Variants in EGFLAM observed in about 807,000 individuals in gnomAD.
EGFLAM encodes the protein EGF like, fibronectin type III and laminin G domains.
EGFLAM carries 79 observed loss-of-function variants against 113.1 expected under a neutral mutation model. The ratio of observed to expected loss-of-function variants is 0.70; its 90% CI spans 0.58 to 0.84. The LOEUF is 0.84. Ranked by LOEUF, EGFLAM falls within the 40% of genes least tolerant of loss-of-function variation. The pLI, the probability that EGFLAM is intolerant of heterozygous loss-of-function variation, is 0.00. For missense variants in EGFLAM, 1,265 were observed against 1,291.6 expected, an observed-to-expected ratio of 0.98 and a Z score of 0.32; for synonymous variants, 504 against 487.6, an observed-to-expected ratio of 1.03 and a Z score of -0.44.
chr5:38,305,720 C>G (rs1579750439), intron 1 of EGFLAM: 5 of 178,308 alleles, frequency 2.8e-5, no homozygotes, highest in African/African-American at 9.5e-5. Context: ...GGCAAAAGTA[C>G]AAATTTTATA....
intron 19 of EGFLAM, among the ~76,000 whole-genome samples, chr5:38,456,274 A>T (rs2112279394): frequency 6.6e-6 from 1 of 152,286 alleles, no homozygotes; most frequent in East Asian, 1.9e-4. Flanking sequence ...CAAGTTGCCC[A>T]AGGTCACAGA....
At chr5:38,329,133 G>T (rs1012260059) in intron 1 of EGFLAM, among the ~76,000 whole-genome samples, 1 of 151,682 alleles carries the variant, frequency 6.6e-6, no homozygotes, top group African/African-American at 2.4e-5. Context: ...ATAATAAGGA[G>T]AAGTAGTTAG....
intron 18 of EGFLAM, 47 bp from the exon 19 acceptor site, chr5:38,451,268 A>G: frequency 6.3e-7 from 1 of 1,594,458 alleles, no homozygotes; most frequent in Non-Finnish European, 8.6e-7. Context: ...ACTCGGAAAC[A>G]GATGTTGGTG....
At chr5:38,305,970 A>G (rs1758707951) in intron 1 of EGFLAM, among the ~76,000 whole-genome samples, 2 of 152,192 alleles carry the variant, frequency 1.3e-5, no homozygotes, top group Non-Finnish European at 2.9e-5. Flanking sequence ...GGCTCCCTAA[A>G]TTCAGTGGGG....
At chr5:38,443,036 C>A (rs376491909) in intron 17 of EGFLAM, among the ~76,000 whole-genome samples, 45 of 152,306 alleles carry the variant, frequency 3.0e-4, no homozygotes, top group African/African-American at 1.1e-3. Context: ...GAGGCTGAGG[C>A]GGGCGGATGA....
chr5:38,303,167 C>A (rs149316130), intron 1 of EGFLAM, among the ~76,000 whole-genome samples: 158 of 152,324 alleles, frequency 1.0e-3, no homozygotes, highest in African/African-American at 3.2e-3. Context: ...AAGAGAAAAA[C>A]ATTCCCCAAA....
chr5:38,294,372 T>C (rs1296440807), intron 1 of EGFLAM, among the ~76,000 whole-genome samples: 3 of 152,194 alleles, frequency 2.0e-5, no homozygotes, highest in African/African-American at 7.2e-5. Context: ...TATATATACC[T>C]TGCTTACTAT....
chr5:38,427,943 C>A (rs538831218), intron 14 of EGFLAM, among the ~76,000 whole-genome samples: 2 of 152,320 alleles, frequency 1.3e-5, no homozygotes, highest in African/African-American at 4.8e-5. Flanking sequence ...AATTACTTAG[C>A]AGGTCGATTG....
At position 38,448,484 on chromosome 5, in the gene EGFLAM, A is replaced by C. The variant is rs1742798557; in HGVS notation, c.2543+105A>C. ...TTTCATGCCAGAAGATAATTCTCAA[A>C]GAAGACCATTCAGCCATGGCCTCAG... On this transcript the variant is annotated intron_variant, in intron 18 of 21. Coordinates refer to ENST00000322350, the MANE Select transcript of EGFLAM (RefSeq NM_152403.4). The C allele has an allele frequency of 5.7e-6, 7 of 1,218,644 alleles. No individual in the cohort carries two copies. In the Admixed American group the frequency reaches 1.3e-4, roughly 23 times the overall value. The allele number at this position is 1,218,644 out of a possible 1,614,324, so 75.5% of individuals were successfully genotyped here. A position where few individuals can be genotyped will look rare whatever the true frequency, so the allele number is the denominator to read the frequency against.
Position 38,438,378 on chromosome 5 carries a change from G to C in EGFLAM, c.2387G>C (p.Gly796Ala). The C allele has an allele frequency of 1.2e-6, 2 of 1,614,022 alleles. No homozygotes were observed. The highest frequency in any genetic ancestry group is 1.7e-6 in the Non-Finnish European group (2 of 1,179,952). ...HPCVRAPCAH[G>A]GSCRPRKEGY... is the part of the protein sequence containing the mutation. Reference sequence around the variant, plus strand: ...TGTGTGAGAGCCCCTTGTGCCCATGGGGGCAGCTGCCGGCCCAGGAAGGAG... The same window carrying C: ...TGTGTGAGAGCCCCTTGTGCCCATGCGGGCAGCTGCCGGCCCAGGAAGGAG... The change falls in exon 17 of 22, where the codon GGG (glycine) becomes GCG (alanine). Residue 796 changes from glycine to alanine, a missense_variant. By Grantham distance (60) the Gly-to-Ala change is moderately conservative. Coordinates refer to ENST00000322350, the MANE Select transcript of EGFLAM (RefSeq NM_152403.4).
At chr5:38,293,795 G>A (rs1283574101) in intron 1 of EGFLAM, among the ~76,000 whole-genome samples, 1 of 152,162 alleles carries the variant, frequency 6.6e-6, no homozygotes, top group East Asian at 1.9e-4. Context: ...GAGCCTGGGA[G>A]CCATTTGTAG....
At chr5:38,437,151 C>T (rs1348681680) in intron 16 of EGFLAM, among the ~76,000 whole-genome samples, 2 of 152,200 alleles carry the variant, frequency 1.3e-5, no homozygotes, top group Non-Finnish European at 2.9e-5. Context: ...ATCAGTTTCA[C>T]TAGAGTCACA....
chr5:38,419,810 G>A (rs897008414), intron 12 of EGFLAM, among the ~76,000 whole-genome samples: 7 of 152,012 alleles, frequency 4.6e-5, no homozygotes, highest in East Asian at 1.9e-4. Flanking sequence ...GGCAGATCAC[G>A]TGAGGTCAGG....
chr5:38,283,322 C>A (rs1487311947), intron 1 of EGFLAM, among the ~76,000 whole-genome samples: 1 of 152,044 alleles, frequency 6.6e-6, no homozygotes, highest in Non-Finnish European at 1.5e-5. Flanking sequence ...GAGAAGAAGA[C>A]CGGTAGGAAT....
rs776793514 is a variant in EGFLAM at position 38,458,342 on chromosome 5, A to G, written c.2719A>G (p.Met907Val). The G allele has an allele frequency of 4.3e-6, 7 of 1,613,982 alleles. 1 individual carries two copies. In the African/African-American group the frequency reaches 9.3e-5, roughly 22 times the overall value. Reference sequence around the variant, plus strand: ...CCTGGGCAGTGGTGTGGCATCCATCATGGTGAATGGCTCCTTCAACGATGG... The same window carrying G: ...CCTGGGCAGTGGTGTGGCATCCATCGTGGTGAATGGCTCCTTCAACGATGG... The part of the protein sequence containing the change: ...YNLGSGVASI[M>V]VNGSFNDGRW... Residue 907 changes from methionine to valine, a missense_variant, in exon 20 of 22, where the codon ATG becomes GTG. By Grantham distance (21) the Met-to-Val change is conservative. Transcript: ENST00000322350.
At chr5:38,305,363 C>G in intron 1 of EGFLAM, 1 of 378,674 alleles carries the variant, frequency 2.6e-6, no homozygotes, top group South Asian at 2.1e-5. Flanking sequence ...ATTCCATACC[C>G]AGCCAAACTA....
At chr5:38,405,783 T>G (rs1471647210) in intron 6 of EGFLAM, among the ~76,000 whole-genome samples, 1 of 152,190 alleles carries the variant, frequency 6.6e-6, no homozygotes, top group African/African-American at 2.4e-5. Flanking sequence ...TTTCCAAGTA[T>G]TTCACAAAGT....
In EGFLAM at chr5:38,372,640, A is replaced by G. The variant is rs78606363; in HGVS notation, c.712+2178A>G. On this transcript the variant is annotated intron_variant, in intron 6 of 21. Transcript: ENST00000322350. ...GTGAAGTAAAATTTTAAAATTTCAA[A>G]GTAATTGTGGGTAGGGAAGGTGGAC... Among the ~76,000 whole-genome samples the G allele has an allele frequency of 9.0e-3, 1,370 of 152,332 alleles. 83 individuals are homozygous for G. Among genetic ancestry groups the G allele is most frequent in the Admixed American group, 0.082 (1,250 of 15,304 alleles).
chr5:38,445,784 G>T, intron 17 of EGFLAM: 1 of 1,439,342 alleles, frequency 6.9e-7, no homozygotes, highest in South Asian at 1.1e-5. Flanking sequence ...GACCCGGGGT[G>T]AGTGGTGTGG....
Sources: allele counts gnomAD v4.1 joint callset (sites outside exome capture counted in the v4.1 genomes callset), GRCh38; gene constraint gnomAD v4.1.1; transcripts MANE v1.5; gene names NCBI Gene and HGNC (gene_info 2026-07-23, HGNC 2026-07-21).